PTPRK: variants seen among roughly 807,000 people sequenced by gnomAD.
PTPRK encodes protein tyrosine phosphatase receptor type K, also known as receptor-type tyrosine-protein phosphatase kappa.
PTPRK carries 75 observed loss-of-function variants against 178.0 expected under a neutral mutation model. The ratio of observed to expected loss-of-function variants is 0.42; its 90% CI spans 0.35 to 0.51. The LOEUF (loss-of-function observed/expected upper bound fraction) is 0.51, where lower values mean the gene tolerates loss of function less well. Among genes scored for constraint, PTPRK ranks in the 20% least tolerant of loss-of-function variants. The pLI is 0.02. For missense variants in PTPRK, 1,441 were observed against 1,797.8 expected, an observed-to-expected ratio of 0.80 and a Z score of 3.59; for synonymous variants, 637 against 620.6, an observed-to-expected ratio of 1.03 and a Z score of -0.39.
chr6:128,183,577 G>T (rs1456663707), intron 7 of PTPRK, among the ~76,000 whole-genome samples: 1 of 139,676 alleles, frequency 7.2e-6, no homozygotes, highest in Non-Finnish European at 1.5e-5. Flanking sequence ...AATGGGTTTT[G>T]CTTGGATGGT....
At chr6:128,401,524 C>T (rs1008037866) in intron 1 of PTPRK, among the ~76,000 whole-genome samples, 18 of 152,068 alleles carry the variant, frequency 1.2e-4, no homozygotes, top group African/African-American at 4.3e-4. Flanking sequence ...CCTGGGGTCA[C>T]GTTAATTTAA....
At chr6:128,382,913 G>A (rs11751266) in intron 2 of PTPRK, among the ~76,000 whole-genome samples, 11,684 of 152,218 alleles carry the variant, frequency 0.077, 600 homozygotes, top group Non-Finnish European at 0.12. Flanking sequence ...CTCAGCCTGC[G>A]AAAATAAGAA....
chr6:128,326,060 A>C (rs1829510616), intron 2 of PTPRK, among the ~76,000 whole-genome samples: 1 of 152,192 alleles, frequency 6.6e-6, no homozygotes, highest in Non-Finnish European at 1.5e-5. Flanking sequence ...TCAGCAAACT[A>C]TCACAAGAAC....
intron 2 of PTPRK, among the ~76,000 whole-genome samples, chr6:128,388,809 A>G (rs1442877431): frequency 6.6e-6 from 1 of 152,204 alleles, no homozygotes; most frequent in Non-Finnish European, 1.5e-5. Flanking sequence ...GATCAGACAG[A>G]AGGAGTCAGA....
chr6:128,108,437 A>C (rs1790098504), intron 7 of PTPRK, among the ~76,000 whole-genome samples: 1 of 152,182 alleles, frequency 6.6e-6, no homozygotes, highest in South Asian at 2.1e-4. Flanking sequence ...AGTACCCATA[A>C]GAACTCTAAA....
chr6:128,242,269 T>C lies in PTPRK; in HGVS notation c.577+252A>G, dbSNP rs115197981. ...CTACTAACAGCTGCCTTTGCATGTA[T>C]ATTTTGTTCTCAGTAATGAAATAAT... On this transcript the variant is annotated intron_variant, in intron 4 of 29. Transcript: ENST00000368226. 9.4e-3 allele frequency among the ~76,000 whole-genome samples: 1,431 copies of C among 152,300 alleles called. 20 individuals are homozygous for C. Among genetic ancestry groups the C allele is most frequent in the African/African-American group, 0.033 (1,355 of 41,556 alleles).
At chr6:128,212,375 T>C (rs1029435215) in intron 6 of PTPRK, among the ~76,000 whole-genome samples, 4 of 152,040 alleles carry the variant, frequency 2.6e-5, no homozygotes, top group Non-Finnish European at 4.4e-5. Flanking sequence ...AAAATCTTAG[T>C]TCAAATGGAC....
intron 1 of PTPRK, among the ~76,000 whole-genome samples, chr6:128,483,709 G>A (rs767935248): frequency 2.0e-5 from 3 of 152,100 alleles, no homozygotes; most frequent in East Asian, 1.9e-4. Context: ...TTGATATGAC[G>A]AACCAACCTG....
Position 128,067,654 on chromosome 6 carries a change from G to T in PTPRK, c.2022C>A (p.Leu674=), listed in dbSNP as rs35030557. 652,473 of 1,612,980 alleles carry T rather than the reference G, an allele frequency of 0.4. 138,857 individuals carry two copies. The highest frequency in any genetic ancestry group is 0.45 in the Admixed American group (27,005 of 59,940). ...GGAPYYFAAE[L]PPGNLPEPAP... is the part of the protein sequence containing the mutation. Reference sequence around the variant, plus strand: ...CAGGCTCAGGTAGGTTTCCCGGGGGGAGTTCTGCAGCAAAGTAATACGGTG... The same window carrying T: ...CAGGCTCAGGTAGGTTTCCCGGGGGTAGTTCTGCAGCAAAGTAATACGGTG... The change falls in exon 12 of 30, where the codon CTC becomes CTA. Residue 674 remains leucine, a synonymous_variant. Transcript: ENST00000368226.
intron 2 of PTPRK, among the ~76,000 whole-genome samples, chr6:128,377,025 T>A (rs1298687880): frequency 6.6e-6 from 1 of 152,176 alleles, no homozygotes; most frequent in African/African-American, 2.4e-5. Flanking sequence ...TTCCACACTT[T>A]CCCATATTTT....
chr6:128,486,196 G>A (rs1396028644), intron 1 of PTPRK, among the ~76,000 whole-genome samples: 2 of 151,662 alleles, frequency 1.3e-5, no homozygotes, highest in Non-Finnish European at 2.9e-5. Context: ...CAGTTTTTTA[G>A]TTAGTTTAGT....
At position 128,145,825 on chromosome 6, in the gene PTPRK, TA is replaced by T. The variant is rs911918665; in HGVS notation, c.1162+38606del. Among the ~76,000 whole-genome samples the T allele has an allele frequency of 3.3e-5, 5 of 152,338 alleles. No individual in the cohort carries two copies. In the East Asian group the frequency reaches 5.8e-4, roughly 18 times the overall value. ...GCATATTAAGAAGTCATTTCTATCT[TA>T]AAAAATGATTTTTAACTATCTCACT... On this transcript the variant is annotated intron_variant, in intron 7 of 29. Coordinates refer to ENST00000368226, the MANE Select transcript of PTPRK (RefSeq NM_002844.4).
chr6:128,099,708 C>A (rs1296046609), intron 7 of PTPRK, among the ~76,000 whole-genome samples: 1 of 152,094 alleles, frequency 6.6e-6, no homozygotes, highest in Non-Finnish European at 1.5e-5. Context: ...AACATGCTTG[C>A]TTCAGGGAAT....
intron 7 of PTPRK, among the ~76,000 whole-genome samples, chr6:128,099,912 T>G (rs1788510128): frequency 6.6e-6 from 1 of 152,032 alleles, no homozygotes; most frequent in African/African-American, 2.4e-5. Flanking sequence ...TTGTACAGCT[T>G]AGCTGCAGAA....
chr6:128,067,547 T>C lies in PTPRK; in HGVS notation c.2129A>G (p.Tyr710Cys), dbSNP rs1317470515. The change falls in exon 12 of 30, where the codon TAT becomes TGT. Residue 710 changes from tyrosine (Y) to cysteine (C), a missense_variant. Physicochemically the swap from Tyr to Cys is radical, Grantham distance 194. Transcript: ENST00000368226. ...PLAPRKGYNI[Y>C]FQAMSSVEKE... ...CTCCACACTGCTCATCGCCTGGAAA[T>C]AGATGTTGTATCCTTTGCGCGGAGC... 4 of 1,578,570 alleles carry C rather than the reference T, an allele frequency of 2.5e-6. No individual in the cohort carries two copies. Among genetic ancestry groups the C allele is most frequent in the Non-Finnish European group, 3.5e-6 (4 of 1,156,394 alleles).
chr6:128,354,784 G>C (rs1833743387), intron 2 of PTPRK, among the ~76,000 whole-genome samples: 1 of 152,120 alleles, frequency 6.6e-6, no homozygotes, highest in African/African-American at 2.4e-5. Context: ...AAACTAACTT[G>C]CTTAAGATTA....
At chr6:128,239,125 GTTTTTTTTTTT>G (rs71833785) in intron 5 of PTPRK, among the ~76,000 whole-genome samples, 1 of 98,780 alleles carries the variant, frequency 1.0e-5, no homozygotes, top group Admixed American at 1.0e-4. Flanking sequence ...AACTCATCTT[GTTTTTTTTTTT>G]TTTTTTTTGG....
At position 128,139,190 on chromosome 6, in the gene PTPRK, C is replaced by T. The variant is rs182894670; in HGVS notation, c.1162+45242G>A. On this transcript the variant is annotated intron_variant, in intron 7 of 29. Transcript: ENST00000368226. ...CAGAGAACAACAACATTATGGAGAA[C>T]GAACAACATTATGGAGAACATTGGA... Among the ~76,000 whole-genome samples the T allele has an allele frequency of 3.4e-4, 51 of 152,068 alleles. No homozygotes were observed. In the South Asian group the frequency reaches 9.3e-3, roughly 28 times the overall value.
intron 13 of PTPRK, among the ~76,000 whole-genome samples, chr6:128,022,161 T>G (rs551133412): frequency 3.9e-4 from 59 of 152,300 alleles, no homozygotes; most frequent in African/African-American, 1.4e-3. Context: ...TTGCTTGCTA[T>G]TTGAAAAGCT....
Sources: allele counts gnomAD v4.1 joint callset (sites outside exome capture counted in the v4.1 genomes callset), GRCh38; gene constraint gnomAD v4.1.1; transcripts MANE v1.5; gene names NCBI Gene and HGNC (gene_info 2026-07-23, HGNC 2026-07-21).